The following KCNIP4 variants were observed in gnomAD, a reference collection of about 807,000 sequenced individuals.
KCNIP4 encodes the protein Kv channel-interacting protein 4.
In KCNIP4, 12 loss-of-function variants were observed where a neutral mutation model predicts 34.0. The observed-to-expected ratio is 0.35, with a 90% CI of 0.23 to 0.57. The LOEUF (loss-of-function observed/expected upper bound fraction) is 0.57, where lower values mean the gene tolerates loss of function less well. Among genes scored for constraint, KCNIP4 ranks in the 20% least tolerant of loss-of-function variants. KCNIP4 has a pLI of 0.83. For synonymous variants in KCNIP4, 124 were observed against 102.2 expected (o/e 1.21, Z -1.29); for missense variants, 238 against 311.7 (o/e 0.76, Z 1.78).
chr4:21,575,606 G>C (rs1236029499), intron 1 of KCNIP4, among the ~76,000 whole-genome samples: 3 of 151,372 alleles, frequency 2.0e-5, no homozygotes, highest in Non-Finnish European at 4.4e-5. Flanking sequence ...TCTGTTATCT[G>C]CATAATTTGT....
At chr4:20,944,652 C>T (rs1732008690) in intron 1 of KCNIP4, among the ~76,000 whole-genome samples, 1 of 152,170 alleles carries the variant, frequency 6.6e-6, no homozygotes. Context: ...TGCCTGGCAG[C>T]TTGCCCGAGG....
chr4:21,745,729 C>T (rs1047391477), intron 1 of KCNIP4, among the ~76,000 whole-genome samples: 8 of 151,840 alleles, frequency 5.3e-5, no homozygotes, highest in Non-Finnish European at 1.2e-4. Flanking sequence ...AATTGTGGAA[C>T]GATAGTAAAC....
intron 1 of KCNIP4, among the ~76,000 whole-genome samples, chr4:21,436,146 C>A (rs1726926804): frequency 6.6e-6 from 1 of 152,164 alleles, no homozygotes; most frequent in African/African-American, 2.4e-5. Flanking sequence ...GATGTCTAAT[C>A]CAAGTTCTGC....
At chr4:21,684,049 G>A (rs1468368067) in intron 1 of KCNIP4, among the ~76,000 whole-genome samples, 1 of 151,950 alleles carries the variant, frequency 6.6e-6, no homozygotes, top group Non-Finnish European at 1.5e-5. Context: ...TCTGGCTGCT[G>A]AAATTCCATA....
intron 1 of KCNIP4, among the ~76,000 whole-genome samples, chr4:21,194,748 A>C (rs1329212927): frequency 6.6e-6 from 1 of 152,188 alleles, no homozygotes; most frequent in Admixed American, 6.5e-5. Flanking sequence ...GAGCTCATGC[A>C]TTAAAGATGG....
intron 1 of KCNIP4, among the ~76,000 whole-genome samples, chr4:21,874,425 A>C (rs1560779482): frequency 6.6e-6 from 1 of 152,116 alleles, no homozygotes; most frequent in Non-Finnish European, 1.5e-5. Context: ...TCTGGCTTTC[A>C]GCTGGTTTGG....
intron 1 of KCNIP4, among the ~76,000 whole-genome samples, chr4:21,027,002 G>A (rs997086192): frequency 9.9e-5 from 15 of 152,148 alleles, no homozygotes; most frequent in African/African-American, 3.1e-4. Context: ...TCAGTCAGAC[G>A]AGAACTTTAT....
intron 1 of KCNIP4, among the ~76,000 whole-genome samples, chr4:21,268,004 T>C (rs1761922461): frequency 6.6e-6 from 1 of 152,162 alleles, no homozygotes; most frequent in African/African-American, 2.4e-5. Flanking sequence ...TGGTATGCTA[T>C]TGATTATTGC....
rs1235063363 is a variant in KCNIP4, at chr4:20,768,679, T to C, written c.289-9789A>G. On this transcript the variant is annotated intron_variant, in intron 3 of 8. Coordinates refer to ENST00000382152, the MANE Select transcript of KCNIP4 (RefSeq NM_025221.6). ...TAAGCAAAAGAAATGCAAACTAAAA[T>C]AGACAATGGATGAAAGAAACCCAAC... Among the ~76,000 whole-genome samples, 3 of 152,046 alleles carry C rather than the reference T, an allele frequency of 2.0e-5. No individual in the cohort carries two copies. In the East Asian group the frequency reaches 5.8e-4, roughly 29 times the overall value.
rs141773346 is a variant in KCNIP4 at position 21,096,799 on chromosome 4, T to C, written c.62-214090A>G. Among the ~76,000 whole-genome samples the C allele has an allele frequency of 3.2e-3, 492 of 152,266 alleles. 2 individuals are homozygous for C. Among genetic ancestry groups the C allele is most frequent in the African/African-American group, 0.011 (450 of 41,560 alleles). ...TTTCCAAATGTTTAATAAAGCCTCT[T>C]AGAATTATACTTCATGCAATAGATA... On this transcript the variant is annotated intron_variant, in intron 1 of 8. Coordinates refer to ENST00000382152, the MANE Select transcript of KCNIP4 (RefSeq NM_025221.6).
chr4:21,423,683 G>T (rs1422526000), intron 1 of KCNIP4, among the ~76,000 whole-genome samples: 1 of 151,884 alleles, frequency 6.6e-6, no homozygotes, highest in Non-Finnish European at 1.5e-5. Flanking sequence ...TAATTTCACA[G>T]AATTTTAAAA....
chr4:21,448,748 T>C (rs1184518723), intron 1 of KCNIP4, among the ~76,000 whole-genome samples: 2 of 152,128 alleles, frequency 1.3e-5, no homozygotes, highest in East Asian at 3.9e-4. Context: ...ATTAGACATA[T>C]AGCTGAGGGA....
chr4:21,380,122 A>T (rs1721344196), intron 1 of KCNIP4, among the ~76,000 whole-genome samples: 1 of 152,018 alleles, frequency 6.6e-6, no homozygotes, highest in Non-Finnish European at 1.5e-5. Flanking sequence ...TTATTTTCCC[A>T]TTGATAAAGA....
chr4:21,412,670 G>C (rs1186390138), intron 1 of KCNIP4, among the ~76,000 whole-genome samples: 1 of 152,166 alleles, frequency 6.6e-6, no homozygotes, highest in East Asian at 1.9e-4. Context: ...ATGATATGTA[G>C]ATGCCTTTTA....
intron 1 of KCNIP4, among the ~76,000 whole-genome samples, chr4:21,109,519 C>A (rs4441752): frequency 6.6e-6 from 1 of 151,922 alleles, no homozygotes; most frequent in Admixed American, 6.6e-5. Flanking sequence ...CTTTCTTTGA[C>A]TAGGAAAGGG....
At chr4:20,892,022 C>G (rs1468181723) in intron 1 of KCNIP4, among the ~76,000 whole-genome samples, 1 of 152,058 alleles carries the variant, frequency 6.6e-6, no homozygotes, top group Non-Finnish European at 1.5e-5. Flanking sequence ...AAATTGCTGC[C>G]CAACCATGCA....
chr4:21,727,944 C>G (rs762128413), intron 1 of KCNIP4, among the ~76,000 whole-genome samples: 1 of 152,134 alleles, frequency 6.6e-6, no homozygotes, highest in Non-Finnish European at 1.5e-5. Context: ...AACTAATAAA[C>G]AGGCCAGGCA....
chr4:21,723,561 A>G (rs1309096192), intron 1 of KCNIP4, among the ~76,000 whole-genome samples: 2 of 152,076 alleles, frequency 1.3e-5, no homozygotes, highest in Admixed American at 6.6e-5. Context: ...AACATAGGAG[A>G]CAAGGTTAAA....
Position 21,822,938 on chromosome 4 carries a change from C to T in KCNIP4, c.61+125633G>A, listed in dbSNP as rs537861374. Among the ~76,000 whole-genome samples the T allele has an allele frequency of 8.6e-5, 13 of 151,976 alleles. No individual in the cohort carries two copies. The East Asian group carries it at 1.7e-3, about 20-fold the overall frequency. ...TTCACCATGTTGGCCAGGCTGGTCT[C>T]GAACTCCTGAGCTCATGATCCACCC... On this transcript the variant is annotated intron_variant, in intron 1 of 8. Coordinates refer to ENST00000382152, the MANE Select transcript of KCNIP4 (RefSeq NM_025221.6).
Sources: gnomAD v4.1 joint callset for allele counts (sites outside exome capture counted in the v4.1 genomes callset) on GRCh38, gnomAD v4.1.1 for gene constraint, MANE v1.5 for transcripts, NCBI Gene and HGNC (gene_info 2026-07-23, HGNC 2026-07-21) for gene names.